Variants in COL13A1 observed in about 807,000 individuals in gnomAD.
The protein encoded by COL13A1 is collagen alpha-1(XIII) chain.
Under a neutral mutation model 130.9 loss-of-function variants are expected in COL13A1, and 89 were observed. The observed-to-expected ratio is 0.68, with a 90% CI of 0.57 to 0.81. COL13A1 has a LOEUF of 0.81. Among genes scored for constraint, COL13A1 ranks in the 30% least tolerant of loss-of-function variants. The probability of loss-of-function intolerance (pLI) is 0.00; values close to 1 mark genes in which losing one functional copy is unlikely to be tolerated. For missense variants in COL13A1, 879 were observed against 934.6 expected (o/e 0.94, Z 0.78); for synonymous variants, 402 against 341.6 (o/e 1.18, Z -1.95).
intron 17 of COL13A1, among the ~76,000 whole-genome samples, chr10:69,913,727 C>T (rs2063624653): frequency 6.6e-6 from 1 of 152,164 alleles, no homozygotes; most frequent in Admixed American, 6.5e-5. Context: ...AAGCCATTCC[C>T]CAGTTCAGAG....
chr10:69,839,985 G>T (rs1398145710), intron 2 of COL13A1, among the ~76,000 whole-genome samples: 3 of 152,250 alleles, frequency 2.0e-5, no homozygotes, highest in Non-Finnish European at 4.4e-5. Flanking sequence ...TACAAAGGCA[G>T]AGTGGAGAGG....
At chr10:69,828,115 C>T (rs970524434) in intron 2 of COL13A1, among the ~76,000 whole-genome samples, 34 of 152,182 alleles carry the variant, frequency 2.2e-4, no homozygotes, top group Middle Eastern at 6.3e-3. Context: ...TGGGCTACTT[C>T]GGGGTCATTC....
At chr10:69,906,319 G>A (rs2062749340) in intron 17 of COL13A1, among the ~76,000 whole-genome samples, 1 of 152,178 alleles carries the variant, frequency 6.6e-6, no homozygotes. Flanking sequence ...CAATTCTGTG[G>A]ATTGACAGTC....
At chr10:69,902,281 AG>A (rs1692866582) in intron 14 of COL13A1, among the ~76,000 whole-genome samples, 1 of 152,256 alleles carries the variant, frequency 6.6e-6, no homozygotes, top group African/African-American at 2.4e-5. Flanking sequence ...GACAGCAAAA[AG>A]CTGAGACAGG....
chr10:69,918,597 T>C (rs1427085491), intron 19 of COL13A1, among the ~76,000 whole-genome samples: 1 of 152,208 alleles, frequency 6.6e-6, no homozygotes, highest in East Asian at 1.9e-4. Context: ...ATCTTTCCTT[T>C]ATGCTCTGTA....
chr10:69,882,433 C>T (rs969032720), intron 7 of COL13A1, among the ~76,000 whole-genome samples: 3 of 152,246 alleles, frequency 2.0e-5, no homozygotes, highest in Non-Finnish European at 1.5e-5. Flanking sequence ...ATATCTACTG[C>T]ACTGGATTTG....
intron 10 of COL13A1, 107 bp from the exon 11 acceptor site, chr10:69,894,445 G>A: frequency 7.4e-7 from 1 of 1,356,384 alleles, no homozygotes; most frequent in Non-Finnish European, 1.0e-6. Context: ...GGCCATGGCT[G>A]GTAGAGCCCA....
chr10:69,944,660 A>AT (rs2068192450), intron 36 of COL13A1, among the ~76,000 whole-genome samples: 1 of 143,422 alleles, frequency 7.0e-6, no homozygotes, highest in Non-Finnish European at 1.5e-5. Flanking sequence ...CCTTATCTCT[A>AT]TAAAAAAAAA....
intron 2 of COL13A1, among the ~76,000 whole-genome samples, chr10:69,863,021 AGGCCTG>A (rs1181018463): frequency 6.6e-6 from 1 of 152,230 alleles, no homozygotes; most frequent in African/African-American, 2.4e-5. Context: ...CAGGTCGGTG[AGGCCTG>A]GGCCACGGGT....
chr10:69,871,454 A>G (rs2059060228), intron 3 of COL13A1, among the ~76,000 whole-genome samples: 1 of 152,160 alleles, frequency 6.6e-6, no homozygotes, highest in Non-Finnish European at 1.5e-5. Flanking sequence ...TCCTGTCCCC[A>G]TGAACGCTGT....
chr10:69,925,849 G>A lies in COL13A1; in HGVS notation c.1375G>A (p.Gly459Arg). ...PGKGEMVDYN[G>R]NINEALQEIR... is the part of the protein sequence containing the mutation. ...GAAAGGAGAGATGGTGGATTACAAT[G>A]GAAACATCAATGAGGCTCTCCAGGT... The change falls in exon 26 of 41, where the codon GGA becomes AGA. Residue 459 changes from glycine (G) to arginine (R), a missense_variant. This residue lies in a region of COL13A1 where 715 missense variants were observed against 721.0 expected (regional missense o/e 0.99). Transcript: ENST00000645393. The A allele has an allele frequency of 6.3e-7, 1 of 1,599,386 alleles. No homozygotes were observed. The highest frequency in any genetic ancestry group is 8.5e-7 in the Non-Finnish European group (1 of 1,173,110).
At position 69,901,865 on chromosome 10, in the gene COL13A1, G is replaced by A. The variant is rs192053442; in HGVS notation, c.751-883G>A. 5.9e-5 allele frequency among the ~76,000 whole-genome samples: 9 copies of A among 152,280 alleles called. No individual in the cohort carries two copies. In the East Asian group the frequency reaches 1.7e-3, roughly 29 times the overall value. ...GTGGACAGGCATGGTGGGAAGGCGG[G>A]CTCAGAGCAGCTGGCTGAGGAGACA... On this transcript the variant is annotated intron_variant, in intron 14 of 40. Transcript: ENST00000645393.
At position 69,924,996 on chromosome 10, in the gene COL13A1, G is replaced by C; in HGVS notation, c.1318G>C (p.Asp440His). The change falls in exon 25 of 41, where the codon GAT (aspartate) becomes CAT (histidine). Residue 440 changes from aspartate to histidine, a missense_variant. By Grantham distance (81) the Asp-to-His change is moderately conservative. Coordinates refer to ENST00000645393, the MANE Select transcript of COL13A1 (RefSeq NM_001368882.1). ...ERGAAGEQGPDGPKGSKGEPG... is the reference protein window; with the variant it reads ...ERGAAGEQGPHGPKGSKGEPG... ...TGGAGCAGCTGGAGAACAGGGACCA[G>C]ATGGCCCCAAGGTATGTGCCTCTCC... The C allele has an allele frequency of 6.3e-7, 1 of 1,590,512 alleles. No homozygotes were observed. The highest frequency in any genetic ancestry group is 8.6e-7 in the Non-Finnish European group (1 of 1,168,962).
intron 26 of COL13A1, among the ~76,000 whole-genome samples, chr10:69,926,836 T>C (rs1190155169): frequency 2.0e-5 from 3 of 152,134 alleles, no homozygotes; most frequent in Non-Finnish European, 4.4e-5. Context: ...GAGTCCATTG[T>C]AGGACGGCCT....
At chr10:69,860,454 G>A (rs1176711637) in intron 2 of COL13A1, among the ~76,000 whole-genome samples, 11 of 152,224 alleles carry the variant, frequency 7.2e-5, no homozygotes, top group Non-Finnish European at 1.6e-4. Context: ...GCCTTCTGCT[G>A]AAGAATGAGA....
At chr10:69,957,899 C>G (rs1463852439) in intron 40 of COL13A1, among the ~76,000 whole-genome samples, 4 of 152,212 alleles carry the variant, frequency 2.6e-5, no homozygotes, top group African/African-American at 9.6e-5. Flanking sequence ...GAGACTCCAA[C>G]ATGTTCAAGA....
intron 14 of COL13A1, 77 bp downstream of exon 14, chr10:69,898,839 GC>G: frequency 8.9e-7 from 1 of 1,124,492 alleles, no homozygotes; most frequent in South Asian, 1.5e-5. Context: ...TGCAGACAAA[GC>G]CAGAACCTCT....
intron 2 of COL13A1, among the ~76,000 whole-genome samples, chr10:69,859,986 G>A (rs1564868363): frequency 2.0e-5 from 3 of 152,234 alleles, no homozygotes; most frequent in African/African-American, 7.2e-5. Flanking sequence ...CCCCCAGACA[G>A]GAGCTTGCTT....
At position 69,930,056 on chromosome 10, in the gene COL13A1, T is replaced by G; in HGVS notation, c.1499T>G (p.Leu500Arg). ...GIPGQKGEIG[L>R]PGPPGHDGEK... ...TTCCGGTTACAGGGGGAGATTGGAC[T>G]GCCAGGCCCTCCAGGACACGATGGG... Residue 500 changes from leucine to arginine, a missense_variant, in exon 29 of 41, where the codon CTG (leucine) becomes CGG (arginine). Physicochemically the swap from Leu to Arg is moderately radical, Grantham distance 102. Coordinates refer to ENST00000645393, the MANE Select transcript of COL13A1 (RefSeq NM_001368882.1). The G allele has an allele frequency of 6.2e-7, 1 of 1,613,980 alleles. No individual in the cohort carries two copies.
Sources: allele counts gnomAD v4.1 joint callset (sites outside exome capture counted in the v4.1 genomes callset), GRCh38; gene constraint gnomAD v4.1.1; regional missense constraint gnomAD v4.1.1; transcripts MANE v1.5; gene names NCBI Gene and HGNC (gene_info 2026-07-23, HGNC 2026-07-21).